Variants in PDE12 observed in about 807,000 individuals in gnomAD.
PDE12 encodes the protein phosphodiesterase 12.
Under a neutral mutation model 45.4 loss-of-function variants are expected in PDE12, and 26 were observed. The observed-to-expected ratio is 0.57, with a 90% CI of 0.42 to 0.79. The LOEUF is 0.79. Among genes scored for constraint, PDE12 ranks in the 30% least tolerant of loss-of-function variants. The pLI, the probability that PDE12 is intolerant of heterozygous loss-of-function variation, is 0.00. For synonymous variants in PDE12, 283 were observed against 323.9 expected (o/e 0.87, Z 1.36); for missense variants, 668 against 790.0 (o/e 0.85, Z 1.85).
At chr3:57,601,263 C>A in the PDE12 span, among the ~76,000 whole-genome samples, 251 of 152,206 alleles carry the variant, frequency 1.6e-3, no homozygotes, top group African/African-American at 5.6e-3. Context: ...GCACATGCCA[C>A]TGCGCCCGGC....
the PDE12 span, among the ~76,000 whole-genome samples, chr3:57,615,649 T>TA: frequency 6.6e-6 from 1 of 151,666 alleles, no homozygotes; most frequent in Non-Finnish European, 1.5e-5. Flanking sequence ...ACTAAAAACT[T>TA]AAAGGTTAGC....
the PDE12 span, among the ~76,000 whole-genome samples, chr3:57,604,957 C>T: frequency 6.6e-6 from 1 of 152,092 alleles, no homozygotes; most frequent in Admixed American, 6.6e-5. Context: ...ATTGCTGGGA[C>T]TCTCACTTCT....
At chr3:57,573,003 C>T in the PDE12 span, among the ~76,000 whole-genome samples, 3 of 151,724 alleles carry the variant, frequency 2.0e-5, no homozygotes, top group African/African-American at 7.3e-5. Context: ...GAGATCGAGA[C>T]CTTCCTGGCT....
At chr3:57,645,261 G>A in the PDE12 span, among the ~76,000 whole-genome samples, 1 of 152,038 alleles carries the variant, frequency 6.6e-6, no homozygotes, top group African/African-American at 2.4e-5. Flanking sequence ...AGGAATTCGA[G>A]ATCAGCCTGA....
the PDE12 span, chr3:57,597,781 GTA>G: frequency 6.6e-6 from 1 of 152,528 alleles, no homozygotes; most frequent in Non-Finnish European, 1.5e-5. Flanking sequence ...TTCTATTACG[GTA>G]CGCGCGATGG....
the PDE12 span, chr3:57,572,041 C>A: frequency 1.9e-6 from 1 of 537,054 alleles, no homozygotes; most frequent in Non-Finnish European, 3.3e-6. Context: ...AAGCACATTG[C>A]TAAATAGCAA....
At chr3:57,590,481 G>A in the PDE12 span, among the ~76,000 whole-genome samples, 5 of 152,108 alleles carry the variant, frequency 3.3e-5, no homozygotes, top group Non-Finnish European at 7.4e-5. Context: ...GCAAGACTCC[G>A]TCTCAAAAAA....
At chr3:57,587,236 T>C in the PDE12 span, among the ~76,000 whole-genome samples, 1 of 150,802 alleles carries the variant, frequency 6.6e-6, no homozygotes, top group East Asian at 1.9e-4. Flanking sequence ...GGAGACTCGC[T>C]TGAACCCAGG....
chr3:57,636,936 C>CAA, the PDE12 span, among the ~76,000 whole-genome samples: 174 of 49,788 alleles, frequency 3.5e-3, no homozygotes, highest in Middle Eastern at 0.017. Flanking sequence ...GACTCTGTCT[C>CAA]AAAAAAAAAA....
chr3:57,579,253 CAAAAAAA>C, the PDE12 span, among the ~76,000 whole-genome samples: 4 of 47,612 alleles, frequency 8.4e-5, 1 homozygote, highest in Admixed American at 6.3e-4. Flanking sequence ...AACTACATCT[CAAAAAAA>C]AAAAAAAAAA....
At chr3:57,572,515 G>C in the PDE12 span, among the ~76,000 whole-genome samples, 20,299 of 151,872 alleles carry the variant, frequency 0.13, 1,439 homozygotes, top group South Asian at 0.21. Flanking sequence ...GAGCTTAGTA[G>C]TTCGAGACCA....
At chr3:57,649,508 C>G in the PDE12 span, among the ~76,000 whole-genome samples, 3 of 140,720 alleles carry the variant, frequency 2.1e-5, no homozygotes, top group African/African-American at 5.3e-5. Flanking sequence ...TACTGGGTAT[C>G]TACCCAGAGG....
At chr3:57,609,926 A>T in the PDE12 span, among the ~76,000 whole-genome samples, 198 of 152,234 alleles carry the variant, frequency 1.3e-3, 3 homozygotes, top group Admixed American at 0.012. Flanking sequence ...GCAGAGACAC[A>T]ACAAAAAAAG....
At chr3:57,637,171 C>A in the PDE12 span, among the ~76,000 whole-genome samples, 1 of 152,144 alleles carries the variant, frequency 6.6e-6, no homozygotes, top group Non-Finnish European at 1.5e-5. Context: ...GCCCATTTCA[C>A]AGATGAAGAA....
At chr3:57,628,364 A>G in the PDE12 span, 62 of 1,610,156 alleles carry the variant, frequency 3.9e-5, no homozygotes, top group East Asian at 2.2e-4. Context: ...GGAACATTTC[A>G]TAACATTTAA....
At chr3:57,598,671 C>T in the PDE12 span, among the ~76,000 whole-genome samples, 3 of 152,152 alleles carry the variant, frequency 2.0e-5, no homozygotes, top group Admixed American at 2.0e-4. Flanking sequence ...CTCCCAGCTA[C>T]TCCGGAGGCT....
the PDE12 span, among the ~76,000 whole-genome samples, chr3:57,582,184 TG>T: frequency 1.3e-5 from 2 of 152,246 alleles, no homozygotes; most frequent in South Asian, 4.1e-4. Flanking sequence ...TTTTAAAGCA[TG>T]TGCCTCTGTA....
intron 1 of PDE12, among the ~76,000 whole-genome samples, chr3:57,559,103 C>A (rs2069698048): frequency 1.3e-5 from 2 of 151,996 alleles, no homozygotes; most frequent in Admixed American, 1.3e-4. Flanking sequence ...CGCCTGTAGT[C>A]CCAGCTACTC....
downstream of PDE12, among the ~76,000 whole-genome samples, chr3:57,568,234 T>A (rs1210604756): frequency 1.3e-5 from 2 of 151,948 alleles, no homozygotes; most frequent in East Asian, 3.9e-4. Context: ...GAGGCCTAGG[T>A]GGGTGGATCA....
Sources: gnomAD v4.1 joint callset for allele counts (sites outside exome capture counted in the v4.1 genomes callset) on GRCh38, gnomAD v4.1.1 for gene constraint, MANE v1.5 for transcripts, NCBI Gene and HGNC (gene_info 2026-07-23, HGNC 2026-07-21) for gene names.